The following PDE10A variants were observed in gnomAD, a reference collection of about 807,000 sequenced individuals.
The protein encoded by PDE10A is cAMP and cAMP-inhibited cGMP 3',5'-cyclic phosphodiesterase 10A.
A neutral mutation model predicts 97.7 loss-of-function variants in PDE10A; 39 were observed. The ratio of observed to expected loss-of-function variants is 0.40; its 90% CI spans 0.31 to 0.52. The LOEUF is 0.52. PDE10A is among the 20% of genes least tolerant of loss of function. The pLI, the probability that PDE10A is intolerant of heterozygous loss-of-function variation, is 0.56. For synonymous variants in PDE10A, 371 were observed against 376.8 expected (o/e 0.98, Z 0.18); for missense variants, 731 against 1,047.8 (o/e 0.70, Z 4.17).
Position 165,639,662 on chromosome 6 carries a change from A to G in PDE10A, c.865+22285T>C, listed in dbSNP as rs1325470766. The stretch of plus-strand genomic sequence containing the variant: ...GCTGAAGCAAGAGAATTCCTTGAAC[A>G]TGAGTGGTAGAGGTTACAAGGAGCC... On this transcript the variant is annotated intron_variant, in intron 1 of 21. Transcript: ENST00000539869. Among the ~76,000 whole-genome samples the G allele has an allele frequency of 2.0e-5, 3 of 149,490 alleles. No homozygotes were observed. In the East Asian group the frequency reaches 6.2e-4, roughly 31 times the overall value.
In PDE10A at chr6:165,860,369, C is replaced by T. The variant is rs948440609; in HGVS notation, c.-615+127160G>A. Among the ~76,000 whole-genome samples, 8 of 152,242 alleles carry T rather than the reference C, an allele frequency of 5.3e-5. No homozygotes were observed. The East Asian group carries it at 1.6e-3, about 30-fold the overall frequency. On this transcript the variant is annotated intron_variant, in intron 1 of 19. Coordinates refer to the PDE10A transcript ENST00000366882. Reference sequence around the variant, plus strand: ...TCGGGAGGCTGAGGCAGGAGAATCGCTGAACCCGGGAGGCAGAGGTTGCGG... The same window carrying T: ...TCGGGAGGCTGAGGCAGGAGAATCGTTGAACCCGGGAGGCAGAGGTTGCGG...
chr6:165,624,377 GA>G (rs1474013354), intron 1 of PDE10A, among the ~76,000 whole-genome samples: 2 of 152,198 alleles, frequency 1.3e-5, no homozygotes, highest in African/African-American at 4.8e-5. Flanking sequence ...AGGTTGACTT[GA>G]ACATTCAAGT....
intron 1 of PDE10A, among the ~76,000 whole-genome samples, chr6:165,742,338 G>A (rs1021432112): frequency 6.6e-6 from 1 of 152,138 alleles, no homozygotes; most frequent in Non-Finnish European, 1.5e-5. Flanking sequence ...CTTTGCATAT[G>A]TCATGTTTCT....
At chr6:165,654,650 T>C (rs1789845149) in intron 1 of PDE10A, among the ~76,000 whole-genome samples, 1 of 152,144 alleles carries the variant, frequency 6.6e-6, no homozygotes, top group Non-Finnish European at 1.5e-5. Flanking sequence ...CATTCCCAAG[T>C]CAATTCTCCA....
intron 1 of PDE10A, among the ~76,000 whole-genome samples, chr6:165,773,470 T>A (rs974190217): frequency 1.9e-4 from 29 of 152,324 alleles, no homozygotes; most frequent in African/African-American, 6.7e-4. Context: ...TATTCTCCAA[T>A]AAAAGTATAA....
At chr6:165,596,176 G>T (rs1786579527) in intron 1 of PDE10A, among the ~76,000 whole-genome samples, 1 of 152,092 alleles carries the variant, frequency 6.6e-6, no homozygotes, top group Admixed American at 6.5e-5. Flanking sequence ...GCCATCATTG[G>T]CATCTTTCTC....
At chr6:165,855,480 T>G (rs994778327) in intron 1 of PDE10A, among the ~76,000 whole-genome samples, 1 of 151,244 alleles carries the variant, frequency 6.6e-6, no homozygotes, top group Non-Finnish European at 1.5e-5. Flanking sequence ...CCCCTAACAG[T>G]CATTGGCCGC....
At chr6:165,904,316 C>T (rs1372174971) in intron 1 of PDE10A, among the ~76,000 whole-genome samples, 1 of 152,038 alleles carries the variant, frequency 6.6e-6, no homozygotes, top group Non-Finnish European at 1.5e-5. Flanking sequence ...AAGGGAAATG[C>T]GGAGACCTCC....
intron 1 of PDE10A, among the ~76,000 whole-genome samples, chr6:165,724,473 G>T (rs2128449298): frequency 6.6e-6 from 1 of 152,278 alleles, no homozygotes; most frequent in South Asian, 2.1e-4. Context: ...TCTGGAAAAG[G>T]CTAGCTGAAT....
chr6:165,465,875 G>A (rs548525253), intron 3 of PDE10A, among the ~76,000 whole-genome samples: 1 of 152,316 alleles, frequency 6.6e-6, no homozygotes, highest in Admixed American at 6.5e-5. Flanking sequence ...GTATGATTTA[G>A]GAGTAGCATA....
chr6:165,605,230 G>A (rs754239147), intron 1 of PDE10A, among the ~76,000 whole-genome samples: 3 of 151,908 alleles, frequency 2.0e-5, no homozygotes, highest in African/African-American at 7.3e-5. Context: ...CATTGCTTCC[G>A]TGTTTCCAGA....
intron 1 of PDE10A, chr6:165,576,293 C>A (rs970183168): frequency 8.7e-6 from 6 of 689,820 alleles, no homozygotes; most frequent in African/African-American, 7.1e-5. Flanking sequence ...AAGTTCTCAT[C>A]AATTGATAAT....
chr6:165,553,644 T>G lies in PDE10A; in HGVS notation c.866-10076A>C, dbSNP rs143962891. Among the ~76,000 whole-genome samples, 315 of 152,270 alleles carry G rather than the reference T, an allele frequency of 2.1e-3. 1 individual carries two copies. Among genetic ancestry groups the G allele is most frequent in the African/African-American group, 7.3e-3 (302 of 41,558 alleles). ...TCACGTGAATTAACAGCCTAAGGGG[T>G]GCCTTAGCTGCAGAGAAGATATTGT... On this transcript the variant is annotated intron_variant, in intron 1 of 21. Coordinates refer to ENST00000539869, the MANE Select transcript of PDE10A (RefSeq NM_001385079.1).
intron 1 of PDE10A, among the ~76,000 whole-genome samples, chr6:165,769,402 T>G (rs1383616278): frequency 6.6e-6 from 1 of 152,214 alleles, no homozygotes; most frequent in Non-Finnish European, 1.5e-5. Flanking sequence ...GTAGGTAGTC[T>G]ATTGAAATTA....
intron 1 of PDE10A, among the ~76,000 whole-genome samples, chr6:165,652,612 T>C (rs1789738966): frequency 6.6e-6 from 1 of 152,226 alleles, no homozygotes; most frequent in East Asian, 1.9e-4. Flanking sequence ...TGCTGTTTTT[T>C]CCCATTCTGC....
chr6:165,803,753 A>C (rs1779043371), intron 1 of PDE10A, among the ~76,000 whole-genome samples: 1 of 152,240 alleles, frequency 6.6e-6, no homozygotes, highest in Non-Finnish European at 1.5e-5. Context: ...TTTCATTCAC[A>C]AGATGTCTGT....
At chr6:165,374,370 A>G (rs62442144) in intron 18 of PDE10A, among the ~76,000 whole-genome samples, 6 of 151,944 alleles carry the variant, frequency 3.9e-5, no homozygotes, top group Non-Finnish European at 5.9e-5. Context: ...GAAAATCTGA[A>G]TAAGTTTTTT....
chr6:165,458,674 C>G (rs1476487008), intron 3 of PDE10A, among the ~76,000 whole-genome samples: 1 of 151,886 alleles, frequency 6.6e-6, no homozygotes, highest in African/African-American at 2.4e-5. Flanking sequence ...CGCACGCACA[C>G]ACACACACAC....
intron 1 of PDE10A, among the ~76,000 whole-genome samples, chr6:165,812,571 G>C (rs529671189): frequency 1.3e-5 from 2 of 152,338 alleles, no homozygotes; most frequent in South Asian, 4.1e-4. Flanking sequence ...AGAATGGGTA[G>C]TGACTTTCTC....
Sources: gnomAD v4.1 joint callset for allele counts (sites outside exome capture counted in the v4.1 genomes callset) on GRCh38, gnomAD v4.1.1 for gene constraint, MANE v1.5 for transcripts, NCBI Gene and HGNC (gene_info 2026-07-23, HGNC 2026-07-21) for gene names.